The following BORCS5 variants were observed in gnomAD, a reference collection of about 807,000 sequenced individuals.
BORCS5 encodes BLOC-1-related complex subunit 5.
BORCS5 carries 17 observed loss-of-function variants against 22.1 expected under a neutral mutation model. That is an observed-to-expected ratio of 0.77 (90% CI 0.53 to 1.15). BORCS5 has a LOEUF of 1.15. BORCS5 is among the 50% of genes most tolerant of loss of function. The probability of loss-of-function intolerance (pLI) is 0.00; values close to 1 mark genes in which losing one functional copy is unlikely to be tolerated. For synonymous variants in BORCS5, 117 were observed against 99.8 expected (o/e 1.17, Z -1.03); for missense variants, 247 against 253.2 (o/e 0.98, Z 0.17).
At chr12:12,401,991 G>A (rs1027433313) in intron 2 of BORCS5, among the ~76,000 whole-genome samples, 132 of 151,402 alleles carry the variant, frequency 8.7e-4, no homozygotes, top group African/African-American at 2.8e-3. Context: ...GCGTGAACCC[G>A]GGAGGCGGAG....
At chr12:12,425,170 T>C (rs752619010) in intron 2 of BORCS5, among the ~76,000 whole-genome samples, 28 of 152,162 alleles carry the variant, frequency 1.8e-4, no homozygotes, top group Non-Finnish European at 1.6e-4. Context: ...CTGCCTGCAG[T>C]GGGGATGGGA....
chr12:12,403,382 G>C (rs1941519388), intron 2 of BORCS5, among the ~76,000 whole-genome samples: 1 of 152,146 alleles, frequency 6.6e-6, no homozygotes, highest in Non-Finnish European at 1.5e-5. Flanking sequence ...TGCTTCTGCT[G>C]GCTTTTCTGT....
rs567957893 is a variant in BORCS5, at chr12:12,407,140, G to A, written c.203-28488G>A. On this transcript the variant is annotated intron_variant, in intron 2 of 3. Coordinates refer to ENST00000314565, the MANE Select transcript of BORCS5 (RefSeq NM_058169.6). ...GTTTATTTTCACAGTAAGAGTGAGGGCCTTCTCACTTTGAATATATTCCTT... is the reference window on the plus strand; with the variant it reads ...GTTTATTTTCACAGTAAGAGTGAGGACCTTCTCACTTTGAATATATTCCTT... Among the ~76,000 whole-genome samples, 21 of 152,306 alleles carry A rather than the reference G, an allele frequency of 1.4e-4. No individual in the cohort carries two copies. The East Asian group carries it at 3.1e-3, about 22-fold the overall frequency.
At chr12:12,416,875 G>C (rs928845668) in intron 2 of BORCS5, among the ~76,000 whole-genome samples, 1 of 148,408 alleles carries the variant, frequency 6.7e-6, no homozygotes. Flanking sequence ...TCTGCCTCTC[G>C]GGTTCAAGCA....
At chr12:12,415,177 CT>C in intron 2 of BORCS5, among the ~76,000 whole-genome samples, 1 of 151,664 alleles carries the variant, frequency 6.6e-6, no homozygotes, top group South Asian at 2.1e-4. Flanking sequence ...AATCTCGGCA[CT>C]TTGGGGGTCC....
chr12:12,421,838 TA>T (rs1942130826), intron 2 of BORCS5, among the ~76,000 whole-genome samples: 1 of 152,252 alleles, frequency 6.6e-6, no homozygotes, highest in Non-Finnish European at 1.5e-5. Flanking sequence ...TTTATTTGTG[TA>T]GAAGTGTTTA....
intron 3 of BORCS5, among the ~76,000 whole-genome samples, chr12:12,459,096 A>G (rs1943055022): frequency 6.6e-6 from 1 of 151,364 alleles, no homozygotes; most frequent in South Asian, 2.1e-4. Context: ...GGGTTTCTCC[A>G]TGTTGGTCAG....
intron 2 of BORCS5, among the ~76,000 whole-genome samples, chr12:12,421,956 G>C (rs1472289786): frequency 6.6e-6 from 1 of 152,008 alleles, no homozygotes; most frequent in Non-Finnish European, 1.5e-5. Flanking sequence ...TTCTTTGTTA[G>C]TCTTGCTAGT....
At chr12:12,406,294 G>GA (rs1339462728) in intron 2 of BORCS5, among the ~76,000 whole-genome samples, 1 of 152,206 alleles carries the variant, frequency 6.6e-6, no homozygotes, top group African/African-American at 2.4e-5. Flanking sequence ...CTTATTAGTA[G>GA]ACTTCGTGTG....
chr12:12,390,507 C>A (rs937727241), intron 2 of BORCS5, among the ~76,000 whole-genome samples: 2 of 151,910 alleles, frequency 1.3e-5, no homozygotes, highest in Admixed American at 1.3e-4. Context: ...GGTCAGAAAG[C>A]CGGGGGTGGT....
intron 2 of BORCS5, among the ~76,000 whole-genome samples, chr12:12,429,433 T>C (rs1270649687): frequency 6.6e-6 from 1 of 152,212 alleles, no homozygotes; most frequent in Non-Finnish European, 1.5e-5. Flanking sequence ...GTCTTGCTCC[T>C]GCTATGACCC....
rs1305487383 is a variant in BORCS5, at chr12:12,395,972, G to C, written c.202+34623G>C. On this transcript the variant is annotated intron_variant, in intron 2 of 3. Coordinates refer to ENST00000314565, the MANE Select transcript of BORCS5 (RefSeq NM_058169.6). The stretch of plus-strand genomic sequence containing the variant: ...GAGGGAGCAGAATAATGGCAGAATG[G>C]GGAAGGGAGATTAATTTTGTTTGTT... 2.2e-4 allele frequency among the ~76,000 whole-genome samples: 33 copies of C among 151,924 alleles called. 1 individual carries two copies. Among genetic ancestry groups the C allele is most frequent in the Non-Finnish European group, 7.4e-5 (5 of 67,990 alleles).
chr12:12,424,859 A>G (rs1202060688), intron 2 of BORCS5, among the ~76,000 whole-genome samples: 3 of 152,092 alleles, frequency 2.0e-5, no homozygotes, highest in Non-Finnish European at 4.4e-5. Flanking sequence ...TTGCTTTTGA[A>G]TATCCTGGTC....
chr12:12,399,455 G>T (rs1245215542), intron 2 of BORCS5, among the ~76,000 whole-genome samples: 1 of 152,152 alleles, frequency 6.6e-6, no homozygotes, highest in East Asian at 1.9e-4. Flanking sequence ...TAAGGTAGAG[G>T]GGAAATAAGA....
intron 2 of BORCS5, among the ~76,000 whole-genome samples, chr12:12,425,413 A>G (rs1942260288): frequency 6.6e-6 from 1 of 151,502 alleles, no homozygotes; most frequent in African/African-American, 2.4e-5. Context: ...TTTTTTAGGA[A>G]CCCCCATACT....
chr12:12,432,061 A>G (rs1176924440), intron 2 of BORCS5, among the ~76,000 whole-genome samples: 9 of 152,240 alleles, frequency 5.9e-5, no homozygotes, highest in Admixed American at 5.9e-4. Flanking sequence ...AGTTATCACA[A>G]TAGGAGGAAA....
chr12:12,466,044 G>A lies in BORCS5; in HGVS notation c.*268G>A. 1 of 401,540 alleles carries A rather than the reference G, an allele frequency of 2.5e-6. No homozygotes were observed. The highest frequency in any genetic ancestry group is 4.4e-6 in the Non-Finnish European group (1 of 227,476). 24.9% of individuals were successfully genotyped at this position (401,540 alleles called of 1,614,324 possible). ...TATTAGGAATTCTTTGAAGAACTCT[G>A]CATTGAGAATTATTTTTATTTAGTT... is the stretch of plus-strand genomic sequence containing the variant. On this transcript the variant is annotated 3_prime_UTR_variant, in exon 4 of 4. Coordinates refer to ENST00000314565, the MANE Select transcript of BORCS5 (RefSeq NM_058169.6).
At chr12:12,456,133 A>G (rs942480916) in intron 3 of BORCS5, among the ~76,000 whole-genome samples, 1 of 152,204 alleles carries the variant, frequency 6.6e-6, no homozygotes, top group African/African-American at 2.4e-5. Context: ...TTTGAAAAGA[A>G]CTACATCAAG....
At chr12:12,387,457 A>C (rs1863907227) in intron 2 of BORCS5, among the ~76,000 whole-genome samples, 2 of 151,504 alleles carry the variant, frequency 1.3e-5, no homozygotes. Flanking sequence ...TGTTTTCTCC[A>C]AAATGGAAGT....
Sources: allele counts gnomAD v4.1 joint callset (sites outside exome capture counted in the v4.1 genomes callset), GRCh38; gene constraint gnomAD v4.1.1; transcripts MANE v1.5; gene names NCBI Gene and HGNC (gene_info 2026-07-23, HGNC 2026-07-21).